The following SNTG1 variants were observed in gnomAD, a reference collection of about 807,000 sequenced individuals.
SNTG1 encodes the protein syntrophin gamma 1, also known as gamma-1-syntrophin.
In SNTG1, 39 loss-of-function variants were observed where a neutral mutation model predicts 74.7. The ratio of observed to expected loss-of-function variants is 0.52; its 90% CI spans 0.40 to 0.68. SNTG1 has a LOEUF of 0.68. Among genes scored for constraint, SNTG1 ranks in the 30% least tolerant of loss-of-function variants. The pLI, the probability that SNTG1 is intolerant of heterozygous loss-of-function variation, is 0.00. For synonymous variants in SNTG1, 254 were observed against 217.1 expected, an observed-to-expected ratio of 1.17 and a Z score of -1.49; for missense variants, 685 against 609.5, an observed-to-expected ratio of 1.12 and a Z score of -1.30.
intron 1 of SNTG1, among the ~76,000 whole-genome samples, chr8:50,020,468 T>C (rs1816723335): frequency 6.6e-6 from 1 of 152,182 alleles, no homozygotes; most frequent in South Asian, 2.1e-4. Flanking sequence ...AAACTTTATA[T>C]GTACAATGCA....
intron 2 of SNTG1, among the ~76,000 whole-genome samples, chr8:50,285,067 A>G (rs1310748852): frequency 6.6e-6 from 1 of 152,110 alleles, no homozygotes; most frequent in Non-Finnish European, 1.5e-5. Context: ...TAAGAAGTAG[A>G]TGAGAAGGTA....
chr8:50,175,380 A>C (rs1281075286), intron 2 of SNTG1, among the ~76,000 whole-genome samples: 1 of 152,214 alleles, frequency 6.6e-6, no homozygotes. Context: ...CCTCCAGACT[A>C]AATGGATATT....
At chr8:50,718,385 A>G (rs568242679) in intron 17 of SNTG1, among the ~76,000 whole-genome samples, 2 of 152,364 alleles carry the variant, frequency 1.3e-5, no homozygotes, top group South Asian at 4.1e-4. Context: ...CAAGTTTGCC[A>G]TGTAACGCAT....
At chr8:50,469,625 T>C (rs1191678635) in intron 8 of SNTG1, among the ~76,000 whole-genome samples, 1 of 152,176 alleles carries the variant, frequency 6.6e-6, no homozygotes, top group Non-Finnish European at 1.5e-5. Flanking sequence ...CTTCTTTTCC[T>C]GCATTTTTCT....
chr8:50,080,494 T>G (rs541306001), intron 1 of SNTG1, among the ~76,000 whole-genome samples: 1 of 152,330 alleles, frequency 6.6e-6, no homozygotes, highest in Non-Finnish European at 1.5e-5. Context: ...TGTCATTTGC[T>G]ACTTTTTAAA....
chr8:49,993,686 C>G (rs1335943863), intron 1 of SNTG1, among the ~76,000 whole-genome samples: 1 of 152,124 alleles, frequency 6.6e-6, no homozygotes, highest in Admixed American at 6.6e-5. Flanking sequence ...TGTTAGTATG[C>G]CAAGAATGAT....
chr8:50,124,834 C>G lies in SNTG1; in HGVS notation c.-102-47727C>G, dbSNP rs1423933959. On this transcript the variant is annotated intron_variant, in intron 1 of 18. Transcript: ENST00000642720. ...TAAAATTCGAGTGTTAAGCAAAAGA[C>G]AGTATGAGAGTGGGATTAAATACTC... is the stretch of plus-strand genomic sequence containing the variant. 1.4e-5 allele frequency among the ~76,000 whole-genome samples: 2 copies of G among 141,198 alleles called. 1 individual carries two copies. Among genetic ancestry groups the G allele is most frequent in the African/African-American group, 5.1e-5 (2 of 39,092 alleles). The allele number at this position is 141,198 out of a possible 152,430, so 92.6% of individuals were successfully genotyped here. A position where few individuals can be genotyped will look rare whatever the true frequency, so the allele number is the denominator to read the frequency against.
intron 2 of SNTG1, among the ~76,000 whole-genome samples, chr8:50,231,544 T>C (rs1413237183): frequency 6.6e-6 from 1 of 151,382 alleles, no homozygotes. Context: ...TGCAACACTA[T>C]TTAGCCTTAA....
intron 1 of SNTG1, among the ~76,000 whole-genome samples, chr8:49,984,990 T>C (rs1259259898): frequency 6.6e-6 from 1 of 152,188 alleles, no homozygotes; most frequent in Non-Finnish European, 1.5e-5. Context: ...GTCTGAAAGT[T>C]GTTTTTGGTT....
At chr8:50,016,302 A>G (rs1223035107) in intron 1 of SNTG1, among the ~76,000 whole-genome samples, 1 of 152,114 alleles carries the variant, frequency 6.6e-6, no homozygotes, top group Non-Finnish European at 1.5e-5. Context: ...ATAAGACAAG[A>G]TGCCATTTCA....
intron 2 of SNTG1, among the ~76,000 whole-genome samples, chr8:50,374,716 G>T (rs2092340236): frequency 6.6e-6 from 1 of 152,148 alleles, no homozygotes; most frequent in Non-Finnish European, 1.5e-5. Flanking sequence ...CCAAATCAAT[G>T]TGAACTGCTC....
chr8:50,693,566 A>G (rs2131463473), intron 15 of SNTG1, among the ~76,000 whole-genome samples: 1 of 152,338 alleles, frequency 6.6e-6, no homozygotes, highest in Admixed American at 6.5e-5. Flanking sequence ...CCCAGACAGA[A>G]AATTAATAAG....
chr8:50,324,250 C>A (rs1227271737), intron 2 of SNTG1, among the ~76,000 whole-genome samples: 5 of 152,208 alleles, frequency 3.3e-5, no homozygotes, highest in Admixed American at 2.0e-4. Flanking sequence ...AGCAGGGCAG[C>A]ACTGAGTTTG....
chr8:50,575,563 T>A (rs2094572285), intron 12 of SNTG1: 1 of 152,246 alleles, frequency 6.6e-6, no homozygotes, highest in Admixed American at 6.5e-5. Context: ...GATCTGCATG[T>A]TGGGTGCCAA....
intron 1 of SNTG1, among the ~76,000 whole-genome samples, chr8:50,149,433 T>C (rs558846496): frequency 3.9e-5 from 6 of 152,358 alleles, no homozygotes; most frequent in African/African-American, 1.4e-4. Context: ...TTGTTGCCAT[T>C]GCTTTTGTTG....
intron 2 of SNTG1, among the ~76,000 whole-genome samples, chr8:50,193,050 TG>T (rs1361113104): frequency 2.0e-5 from 3 of 152,172 alleles, no homozygotes; most frequent in Non-Finnish European, 4.4e-5. Context: ...TGGGTGACTA[TG>T]GCCTTATAGT....
At chr8:50,784,541 C>G (rs1339382076) in intron 18 of SNTG1, among the ~76,000 whole-genome samples, 1 of 151,972 alleles carries the variant, frequency 6.6e-6, no homozygotes, top group African/African-American at 2.4e-5. Context: ...AGGTATGGAA[C>G]AAATGAGGCG....
chr8:50,269,856 C>T (rs924843242), intron 2 of SNTG1, among the ~76,000 whole-genome samples: 1 of 152,060 alleles, frequency 6.6e-6, no homozygotes, highest in South Asian at 2.1e-4. Flanking sequence ...GACGTATACA[C>T]ATTTACTCTA....
intron 1 of SNTG1, among the ~76,000 whole-genome samples, chr8:49,954,515 C>T (rs1236515605): frequency 6.6e-6 from 1 of 152,122 alleles, no homozygotes; most frequent in Non-Finnish European, 1.5e-5. Context: ...TACTCAAAAG[C>T]AATACTTGAA....
Sources: allele counts gnomAD v4.1 joint callset (sites outside exome capture counted in the v4.1 genomes callset), GRCh38; gene constraint gnomAD v4.1.1; transcripts MANE v1.5; gene names NCBI Gene and HGNC (gene_info 2026-07-23, HGNC 2026-07-21).